BBX: variants seen among roughly 807,000 people sequenced by gnomAD.
BBX encodes the protein HMG box transcription factor BBX.
Under a neutral mutation model 100.2 loss-of-function variants are expected in BBX, and 30 were observed. The observed-to-expected ratio is 0.30, with a 90% CI of 0.22 to 0.41. The LOEUF is 0.41. BBX is among the 10% of genes least tolerant of loss of function. BBX has a pLI of 1.00. For missense variants in BBX, 1,023 were observed against 1,129.8 expected (o/e 0.91, Z 1.35); for synonymous variants, 376 against 388.1 (o/e 0.97, Z 0.37).
At chr3:107,750,621 G>A (rs550731636) in intron 9 of BBX, among the ~76,000 whole-genome samples, 2 of 152,220 alleles carry the variant, frequency 1.3e-5, no homozygotes, top group South Asian at 4.1e-4. Flanking sequence ...CTCTGACCCA[G>A]CAGTACCCTA....
intron 2 of BBX, among the ~76,000 whole-genome samples, chr3:107,529,443 T>C (rs987904035): frequency 6.6e-6 from 1 of 152,246 alleles, no homozygotes; most frequent in South Asian, 2.1e-4. Context: ...CTTACTGCTT[T>C]GTTTTTATCG....
chr3:107,774,081 G>A (rs1281535648), intron 11 of BBX, among the ~76,000 whole-genome samples: 2 of 152,084 alleles, frequency 1.3e-5, no homozygotes, highest in African/African-American at 4.8e-5. Context: ...AACTGAAGTG[G>A]GCCAGGCACA....
chr3:107,750,556 A>G (rs1251401346), intron 9 of BBX, among the ~76,000 whole-genome samples: 1 of 152,194 alleles, frequency 6.6e-6, no homozygotes, highest in African/African-American at 2.4e-5. Context: ...ATGTGTTTAT[A>G]CAAGAGTAGT....
intron 3 of BBX, among the ~76,000 whole-genome samples, chr3:107,654,200 T>C (rs116826160): frequency 2.6e-5 from 4 of 152,342 alleles, no homozygotes; most frequent in Non-Finnish European, 5.9e-5. Flanking sequence ...ACAGATCATC[T>C]TTCAATTCAT....
intron 2 of BBX, among the ~76,000 whole-genome samples, chr3:107,629,965 T>A (rs1033213079): frequency 6.6e-6 from 1 of 152,164 alleles, no homozygotes; most frequent in African/African-American, 2.4e-5. Flanking sequence ...TAAAAGAGAA[T>A]AAGCCTAACT....
chr3:107,640,014 C>G (rs1011922890), intron 2 of BBX, among the ~76,000 whole-genome samples: 1 of 152,152 alleles, frequency 6.6e-6, no homozygotes, highest in Admixed American at 6.5e-5. Context: ...AATGAGATTA[C>G]TGACATTTAT....
intron 2 of BBX, among the ~76,000 whole-genome samples, chr3:107,603,629 C>T (rs900369186): frequency 1.4e-4 from 21 of 152,236 alleles, no homozygotes; most frequent in African/African-American, 4.1e-4. Flanking sequence ...CCACCAGCCT[C>T]GGCCTTCCAA....
At chr3:107,635,577 TCTTGA>T (rs1432266662) in intron 2 of BBX, among the ~76,000 whole-genome samples, 1 of 152,340 alleles carries the variant, frequency 6.6e-6, no homozygotes, top group East Asian at 1.9e-4. Flanking sequence ...AATCTAAACA[TCTTGA>T]CTTACTGAAT....
chr3:107,740,821 G>C (rs1470083418), intron 7 of BBX, among the ~76,000 whole-genome samples: 1 of 151,602 alleles, frequency 6.6e-6, no homozygotes, highest in Non-Finnish European at 1.5e-5. Context: ...AGTGAAGGCT[G>C]CCTCTCCGTC....
At chr3:107,571,657 A>T (rs1462361506) in intron 2 of BBX, among the ~76,000 whole-genome samples, 2 of 152,228 alleles carry the variant, frequency 1.3e-5, no homozygotes, top group Non-Finnish European at 2.9e-5. Context: ...GAGGGCGAGG[A>T]CAGGGGACTG....
At chr3:107,540,791 C>T (rs1015989111) in intron 2 of BBX, among the ~76,000 whole-genome samples, 8 of 152,114 alleles carry the variant, frequency 5.3e-5, no homozygotes, top group Non-Finnish European at 1.0e-4. Context: ...TGGGATATGT[C>T]CTGGATCACC....
intron 12 of BBX, among the ~76,000 whole-genome samples, chr3:107,778,127 T>C (rs7610444): frequency 0.023 from 3,498 of 152,214 alleles, 127 homozygotes; most frequent in African/African-American, 0.077. Context: ...AATATTCTAA[T>C]ATTATAAATG....
At chr3:107,537,245 C>T (rs1267560378) in intron 2 of BBX, among the ~76,000 whole-genome samples, 2 of 152,140 alleles carry the variant, frequency 1.3e-5, no homozygotes, top group Non-Finnish European at 2.9e-5. Flanking sequence ...TATGTAAAGA[C>T]AACATGACTG....
chr3:107,737,269 T>C (rs2063698401), intron 7 of BBX, among the ~76,000 whole-genome samples: 1 of 150,632 alleles, frequency 6.6e-6, no homozygotes, highest in African/African-American at 2.4e-5. Flanking sequence ...TCCCACAGGC[T>C]GATACGCTTT....
chr3:107,523,204 T>C, intron 1 of BBX, 97 bp downstream of exon 1: 1 of 211,712 alleles, frequency 4.7e-6, no homozygotes, highest in Non-Finnish European at 9.5e-6. Context: ...CCCCAAGGAC[T>C]CCGCGGCAGG....
At chr3:107,523,214 G>GAGC (rs1221098987) in intron 1 of BBX, 107 bp downstream of exon 1, 2 of 218,748 alleles carry the variant, frequency 9.1e-6, no homozygotes, top group South Asian at 5.4e-5. Context: ...TCCGCGGCAG[G>GAGC]AGCAGCGGCG....
chr3:107,688,129 C>G (rs1480709006), intron 3 of BBX, among the ~76,000 whole-genome samples: 1 of 152,160 alleles, frequency 6.6e-6, no homozygotes, highest in Admixed American at 6.6e-5. Flanking sequence ...TTATCTTTGA[C>G]CATTTCTGTA....
intron 13 of BBX, 63 bp downstream of exon 13, chr3:107,778,582 C>T: frequency 6.5e-7 from 1 of 1,541,764 alleles, no homozygotes; most frequent in Non-Finnish European, 8.8e-7. Flanking sequence ...TTCAGCCAAG[C>T]TTTTAGCTCC....
chr3:107,524,726 G>C (rs1444142718), intron 1 of BBX, among the ~76,000 whole-genome samples: 1 of 139,666 alleles, frequency 7.2e-6, no homozygotes, highest in Non-Finnish European at 1.5e-5. Flanking sequence ...GTAGGGTCTA[G>C]TCAATATTTT....
Sources: allele counts gnomAD v4.1 joint callset (sites outside exome capture counted in the v4.1 genomes callset), GRCh38; gene constraint gnomAD v4.1.1; transcripts MANE v1.5; gene names NCBI Gene and HGNC (gene_info 2026-07-23, HGNC 2026-07-21).